NAALADL2: variants seen among roughly 807,000 people sequenced by gnomAD.
NAALADL2 encodes the protein N-acetylated alpha-linked acidic dipeptidase like 2.
A neutral mutation model predicts 87.2 loss-of-function variants in NAALADL2; 76 were observed. The observed-to-expected ratio is 0.87, with a 90% CI of 0.72 to 1.05. The LOEUF is 1.05. Ranked by LOEUF, NAALADL2 falls within the 50% of genes least tolerant of loss-of-function variation. The probability of loss-of-function intolerance (pLI) is 0.00; values close to 1 mark genes in which losing one functional copy is unlikely to be tolerated. For synonymous variants in NAALADL2, 354 were observed against 331.0 expected, an observed-to-expected ratio of 1.07 and a Z score of -0.75; for missense variants, 1,089 against 945.8, an observed-to-expected ratio of 1.15 and a Z score of -1.99.
chr3:175,428,220 T>C (rs1717148042), intron 5 of NAALADL2, among the ~76,000 whole-genome samples: 1 of 152,278 alleles, frequency 6.6e-6, no homozygotes, highest in Non-Finnish European at 1.5e-5. Flanking sequence ...CCTTGACTTC[T>C]GTACAGTAGT....
intron 3 of NAALADL2, among the ~76,000 whole-genome samples, chr3:174,838,795 G>A (rs1451202966): frequency 6.6e-6 from 1 of 152,106 alleles, no homozygotes; most frequent in African/African-American, 2.4e-5. Flanking sequence ...AACCAAGGAG[G>A]TGAAAAACCT....
Position 175,624,232 on chromosome 3 carries a change from G to A in NAALADL2, c.1801-3059G>A, listed in dbSNP as rs1007874554. The stretch of plus-strand genomic sequence containing the variant: ...GGGGCTGATAAATAGGATCTTGGAA[G>A]TGGCCTCAGTCATTTTTTTAAGTCA... On this transcript the variant is annotated intron_variant, in intron 10 of 13. Coordinates refer to ENST00000454872, the MANE Select transcript of NAALADL2 (RefSeq NM_207015.3). 3.3e-5 allele frequency among the ~76,000 whole-genome samples: 5 copies of A among 151,946 alleles called. No individual in the cohort carries two copies. The South Asian group carries it at 6.2e-4, about 19-fold the overall frequency.
chr3:175,681,109 C>A (rs1482363389), intron 11 of NAALADL2, among the ~76,000 whole-genome samples: 1 of 152,064 alleles, frequency 6.6e-6, no homozygotes, highest in Non-Finnish European at 1.5e-5. Flanking sequence ...GAGGCTCTGT[C>A]TCAAAACAAA....
intron 7 of NAALADL2, among the ~76,000 whole-genome samples, chr3:175,463,736 G>GAGAGAGAGAGAGA (rs1560592659): frequency 9.0e-5 from 13 of 145,194 alleles, no homozygotes; most frequent in African/African-American, 3.2e-4. Flanking sequence ...GAGAGAGAGA[G>GAGAGAGAGAGAGA]GTGGGGATCT....
chr3:174,861,174 C>T (rs1249377999), intron 1 of NAALADL2, among the ~76,000 whole-genome samples: 2 of 152,104 alleles, frequency 1.3e-5, no homozygotes, highest in East Asian at 1.9e-4. Flanking sequence ...TAAATGTATC[C>T]TTGGTAGGTC....
intron 4 of NAALADL2, among the ~76,000 whole-genome samples, chr3:175,293,063 A>AAAAG (rs200847994): frequency 1.4e-5 from 2 of 148,014 alleles, no homozygotes; most frequent in African/African-American, 5.0e-5. Context: ...AAAAAAAAAA[A>AAAAG]GGGGGAACTC....
At chr3:175,703,029 G>A (rs1195417650) in intron 11 of NAALADL2, among the ~76,000 whole-genome samples, 1 of 152,054 alleles carries the variant, frequency 6.6e-6, no homozygotes, top group East Asian at 1.9e-4. Context: ...TTTACCTGCT[G>A]TATAACTTGC....
intron 5 of NAALADL2, among the ~76,000 whole-genome samples, chr3:175,372,379 A>G (rs1766617832): frequency 6.6e-6 from 1 of 152,248 alleles, no homozygotes; most frequent in African/African-American, 2.4e-5. Context: ...ATGTAACAGA[A>G]AACTCATTAA....
chr3:175,552,521 G>A (rs1229372355), intron 9 of NAALADL2, among the ~76,000 whole-genome samples: 1 of 152,046 alleles, frequency 6.6e-6, no homozygotes, highest in Admixed American at 6.5e-5. Flanking sequence ...ACATTACCAA[G>A]ATTTACCATA....
At chr3:175,633,911 A>C (rs1225285917) in intron 11 of NAALADL2, among the ~76,000 whole-genome samples, 2 of 151,732 alleles carry the variant, frequency 1.3e-5, no homozygotes, top group Non-Finnish European at 3.0e-5. Context: ...GTATTACAAC[A>C]TGACAAAGAA....
chr3:175,453,330 TTGTGTTTCTA>T (rs1453633300), intron 6 of NAALADL2, among the ~76,000 whole-genome samples: 1 of 152,116 alleles, frequency 6.6e-6, no homozygotes, highest in Non-Finnish European at 1.5e-5. Flanking sequence ...CTCACTGCCT[TTGTGTTTCTA>T]TATTCTGCTA....
chr3:174,574,696 T>C (rs1715331008), intron 2 of NAALADL2, among the ~76,000 whole-genome samples: 1 of 152,132 alleles, frequency 6.6e-6, no homozygotes, highest in Non-Finnish European at 1.5e-5. Context: ...TTGTTCCTTC[T>C]TCAGTCGATA....
chr3:175,486,390 A>G (rs919718513), intron 9 of NAALADL2, among the ~76,000 whole-genome samples: 1 of 151,920 alleles, frequency 6.6e-6, no homozygotes, highest in South Asian at 2.1e-4. Flanking sequence ...CTCTAGTTCC[A>G]CTTCCCTTCA....
chr3:175,538,303 T>C (rs1711634716), intron 9 of NAALADL2, among the ~76,000 whole-genome samples: 1 of 152,182 alleles, frequency 6.6e-6, no homozygotes, highest in Middle Eastern at 3.4e-3. Flanking sequence ...ATTACACCAA[T>C]TATTTTAAGA....
At chr3:174,833,208 T>C (rs904095908) in intron 3 of NAALADL2, among the ~76,000 whole-genome samples, 3 of 152,220 alleles carry the variant, frequency 2.0e-5, no homozygotes, top group Non-Finnish European at 4.4e-5. Flanking sequence ...GAGATAACTT[T>C]GGTTAATAAA....
chr3:174,476,271 A>G (rs62289932), intron 1 of NAALADL2, among the ~76,000 whole-genome samples: 93 of 140,742 alleles, frequency 6.6e-4, no homozygotes, highest in Non-Finnish European at 8.6e-4. Flanking sequence ...TTTTTTTTTC[A>G]TTTTGACGGA....
chr3:174,833,144 T>A (rs1022912264), intron 3 of NAALADL2, among the ~76,000 whole-genome samples: 3 of 152,194 alleles, frequency 2.0e-5, no homozygotes, highest in African/African-American at 7.2e-5. Context: ...ATTTGTTATA[T>A]AAGTTCTACT....
At position 175,699,359 on chromosome 3, in the gene NAALADL2, GAATA is replaced by G. The variant is rs373007849; in HGVS notation, c.1897-37944_1897-37941del. Among the ~76,000 whole-genome samples the G allele has an allele frequency of 1.4e-4, 21 of 152,034 alleles. No individual in the cohort carries two copies. The East Asian group carries it at 2.5e-3, about 18-fold the overall frequency. ...TAGATGACAGGCAACAAGAGATTAAGAATAAAGAACTATGCTGTTTTCTTGAGTA... is the reference window on the plus strand; with the variant it reads ...TAGATGACAGGCAACAAGAGATTAAGAAGAACTATGCTGTTTTCTTGAGTA... On this transcript the variant is annotated intron_variant, in intron 11 of 13. Transcript: ENST00000454872.
intron 9 of NAALADL2, among the ~76,000 whole-genome samples, chr3:175,485,632 G>A (rs1284410940): frequency 4.6e-5 from 7 of 152,196 alleles, no homozygotes; most frequent in African/African-American, 1.7e-4. Flanking sequence ...AGGGGAGAAA[G>A]ATGAAGGCTG....
Sources: gnomAD v4.1 joint callset for allele counts (sites outside exome capture counted in the v4.1 genomes callset) on GRCh38, gnomAD v4.1.1 for gene constraint, MANE v1.5 for transcripts, NCBI Gene and HGNC (gene_info 2026-07-23, HGNC 2026-07-21) for gene names.